Variants in CRB1 observed in about 807,000 individuals in gnomAD.
The protein encoded by CRB1 is protein crumbs homolog 1.
CRB1 carries 83 observed loss-of-function variants against 120.0 expected under a neutral mutation model. The ratio of observed to expected loss-of-function variants is 0.69; its 90% CI spans 0.58 to 0.83. The LOEUF (loss-of-function observed/expected upper bound fraction) is 0.83. Among genes scored for constraint, CRB1 ranks in the 40% least tolerant of loss-of-function variants. The probability of loss-of-function intolerance (pLI) is 0.00; values close to 1 mark genes in which losing one functional copy is unlikely to be tolerated. For synonymous variants in CRB1, 625 were observed against 612.5 expected (o/e 1.02, Z -0.30); for missense variants, 1,699 against 1,687.6 (o/e 1.01, Z -0.12).
intron 7 of CRB1, chr1:197,428,992 A>T: frequency 2.0e-6 from 3 of 1,531,132 alleles, no homozygotes; most frequent in Non-Finnish European, 2.6e-6. Flanking sequence ...CAATGTGGGA[A>T]GGGCACTCAC....
chr1:197,243,660 G>T, the CRB1 span, among the ~76,000 whole-genome samples: 1 of 152,114 alleles, frequency 6.6e-6, no homozygotes, highest in Non-Finnish European at 1.5e-5. Flanking sequence ...TTGATTTGGG[G>T]TGGAGAATTC....
At chr1:197,406,438 C>G (rs1016487922) in intron 5 of CRB1, among the ~76,000 whole-genome samples, 3 of 152,172 alleles carry the variant, frequency 2.0e-5, no homozygotes, top group Non-Finnish European at 4.4e-5. Flanking sequence ...ACAGACACTG[C>G]GGAGGGCCGC....
intron 5 of CRB1, among the ~76,000 whole-genome samples, chr1:197,393,993 C>T (rs1047515876): frequency 6.6e-6 from 1 of 152,068 alleles, no homozygotes; most frequent in Non-Finnish European, 1.5e-5. Flanking sequence ...CTTAAACTTT[C>T]CACAAAATTT....
intron 5 of CRB1, among the ~76,000 whole-genome samples, chr1:197,399,081 T>G (rs891427360): frequency 1.3e-5 from 2 of 152,162 alleles, no homozygotes; most frequent in African/African-American, 4.8e-5. Context: ...CATCTGTTAT[T>G]TCCAATTCAT....
chr1:197,227,091 A>C, the CRB1 span, among the ~76,000 whole-genome samples: 1 of 152,064 alleles, frequency 6.6e-6, no homozygotes, highest in Non-Finnish European at 1.5e-5. Flanking sequence ...ACCCCTCCAA[A>C]TCTCATGTCC....
chr1:197,445,044 A>C (rs759183701), intron 11 of CRB1, among the ~76,000 whole-genome samples: 8 of 152,186 alleles, frequency 5.3e-5, no homozygotes, highest in Non-Finnish European at 8.8e-5. Flanking sequence ...TCTGGCAAGT[A>C]ATCCTCTAGT....
the CRB1 span, among the ~76,000 whole-genome samples, chr1:197,259,334 G>C: frequency 6.6e-6 from 1 of 152,312 alleles, no homozygotes; most frequent in East Asian, 1.9e-4. Flanking sequence ...TACACCATGG[G>C]ATACTATGCA....
chr1:197,209,589 A>T, the CRB1 span, among the ~76,000 whole-genome samples: 1 of 151,940 alleles, frequency 6.6e-6, no homozygotes, highest in African/African-American at 2.4e-5. Context: ...CTCAGGTTGT[A>T]TGCCTGCCTC....
chr1:197,449,587 C>T (rs545480333), intron 11 of CRB1, among the ~76,000 whole-genome samples: 2 of 152,174 alleles, frequency 1.3e-5, no homozygotes, highest in South Asian at 2.1e-4. Flanking sequence ...AGGATGGTCT[C>T]GATCTCCTGA....
intron 11 of CRB1, among the ~76,000 whole-genome samples, chr1:197,469,757 T>G (rs1449072464): frequency 6.6e-6 from 1 of 152,238 alleles, no homozygotes; most frequent in Non-Finnish European, 1.5e-5. Context: ...AAATGATAGC[T>G]GGCTCCTGCT....
chr1:197,275,080 G>A (rs1304489988), intron 1 of CRB1, among the ~76,000 whole-genome samples: 1 of 151,814 alleles, frequency 6.6e-6, no homozygotes, highest in Non-Finnish European at 1.5e-5. Flanking sequence ...GCTTGCAACT[G>A]CATCACTCCA....
In CRB1 at chr1:197,328,659, G is replaced by C. The variant is rs116254396; in HGVS notation, c.308G>C (p.Ser103Thr). ...SFLCKCPPGY[S>T]GTICETTIGS... ...CTGTGCAAATGTCCTCCTGGGTACA[G>C]TGGGACAATCTGTGAAACTACCATT... is the stretch of plus-strand genomic sequence containing the variant. The change falls in exon 2 of 12, where the codon AGT (serine) becomes ACT (threonine). Residue 103 changes from serine to threonine, a missense_variant. Ser to Thr is a moderately conservative substitution (Grantham distance 58). Coordinates refer to ENST00000367400, the MANE Select transcript of CRB1 (RefSeq NM_201253.3). 1 of 1,614,132 alleles carries C rather than the reference G, an allele frequency of 6.2e-7. No individual in the cohort carries two copies. Among genetic ancestry groups the C allele is most frequent in the East Asian group, 2.2e-5 (1 of 44,882 alleles).
intron 5 of CRB1, among the ~76,000 whole-genome samples, chr1:197,411,372 T>C (rs1443649758): frequency 6.6e-6 from 1 of 152,172 alleles, no homozygotes; most frequent in East Asian, 1.9e-4. Context: ...AAGTAAACCA[T>C]AGGCTGCTGT....
At chr1:197,415,131 C>T (rs1262308657) in intron 5 of CRB1, among the ~76,000 whole-genome samples, 1 of 151,986 alleles carries the variant, frequency 6.6e-6, no homozygotes, top group Non-Finnish European at 1.5e-5. Context: ...AGAAAAAAAA[C>T]AGTAGGCAAT....
chr1:197,428,079 C>T (rs1406610148), intron 7 of CRB1, 78 bp downstream of exon 7: 1 of 1,308,190 alleles, frequency 7.6e-7, no homozygotes. Context: ...TTATTAAAAC[C>T]ATTCTTTGTA....
intron 4 of CRB1, among the ~76,000 whole-genome samples, chr1:197,354,416 C>A (rs1017005902): frequency 1.3e-5 from 2 of 152,144 alleles, no homozygotes; most frequent in African/African-American, 2.4e-5. Context: ...GTGAGTGTTA[C>A]AGTTCTTAAA....
intron 11 of CRB1, among the ~76,000 whole-genome samples, chr1:197,476,779 T>C (rs548066535): frequency 6.6e-6 from 1 of 151,956 alleles, no homozygotes; most frequent in South Asian, 2.1e-4. Context: ...GGTAAAAGAG[T>C]TTACTACTGA....
intron 5 of CRB1, among the ~76,000 whole-genome samples, chr1:197,382,908 T>C (rs1486508853): frequency 6.6e-6 from 1 of 152,194 alleles, no homozygotes; most frequent in Admixed American, 6.5e-5. Context: ...GCAGCTCTCC[T>C]AACCTCACTG....
At chr1:197,354,817 GCCCCCCCAC>G (rs1660355921) in intron 4 of CRB1, among the ~76,000 whole-genome samples, 32 of 19,464 alleles carry the variant, frequency 1.6e-3, no homozygotes, top group South Asian at 3.3e-3. Context: ...TCTGCCCCCC[GCCCCCCCAC>G]CCCCCCCCCC....
Sources: gnomAD v4.1 joint callset for allele counts (sites outside exome capture counted in the v4.1 genomes callset) on GRCh38, gnomAD v4.1.1 for gene constraint, MANE v1.5 for transcripts, NCBI Gene and HGNC (gene_info 2026-07-23, HGNC 2026-07-21) for gene names.